The following PTPRR variants were observed in gnomAD, a reference collection of about 807,000 sequenced individuals.
PTPRR encodes the protein protein tyrosine phosphatase receptor type R, also known as receptor-type tyrosine-protein phosphatase R.
In PTPRR, 38 loss-of-function variants were observed where a neutral mutation model predicts 77.2. The ratio of observed to expected loss-of-function variants is 0.49; its 90% CI spans 0.38 to 0.65. The LOEUF is 0.65. Among genes scored for constraint, PTPRR ranks in the 30% least tolerant of loss-of-function variants. The pLI is 0.00. For missense variants in PTPRR, 744 were observed against 799.2 expected (o/e 0.93, Z 0.83); for synonymous variants, 299 against 283.1 (o/e 1.06, Z -0.57).
chr12:70,864,965 C>A (rs1439761207), intron 2 of PTPRR, among the ~76,000 whole-genome samples: 2 of 151,510 alleles, frequency 1.3e-5, no homozygotes, highest in Non-Finnish European at 2.9e-5. Context: ...GCGTGCGTCA[C>A]CACACCTGGC....
intron 2 of PTPRR, among the ~76,000 whole-genome samples, chr12:70,868,990 C>T (rs1301387727): frequency 7.6e-6 from 1 of 130,828 alleles, no homozygotes; most frequent in East Asian, 2.3e-4. Context: ...GCAATGAGAA[C>T]ACATGGACAC....
chr12:70,874,460 C>T (rs1280786855), intron 2 of PTPRR, among the ~76,000 whole-genome samples: 1 of 152,094 alleles, frequency 6.6e-6, no homozygotes, highest in African/African-American at 2.4e-5. Flanking sequence ...TTTTTGGTAA[C>T]TTCTTTGAGA....
chr12:70,711,405 G>C (rs1485863202), intron 6 of PTPRR, among the ~76,000 whole-genome samples: 1 of 152,112 alleles, frequency 6.6e-6, no homozygotes, highest in Non-Finnish European at 1.5e-5. Context: ...TAGAGAGTGG[G>C]AGGAGGAAGA....
At chr12:70,901,173 G>A (rs559237457) in intron 1 of PTPRR, among the ~76,000 whole-genome samples, 1 of 151,538 alleles carries the variant, frequency 6.6e-6, no homozygotes, top group Admixed American at 6.6e-5. Context: ...AACCTGTACA[G>A]TCATTATGGG....
chr12:70,769,700 A>C (rs1890921108), intron 2 of PTPRR, among the ~76,000 whole-genome samples: 1 of 151,884 alleles, frequency 6.6e-6, no homozygotes, highest in Admixed American at 6.6e-5. Flanking sequence ...CCGCATCACC[A>C]AGTCAATCCT....
At chr12:70,672,385 A>G (rs1887264772) in intron 10 of PTPRR, 1 of 1,268,784 alleles carries the variant, frequency 7.9e-7, no homozygotes, top group Admixed American at 1.7e-5. Flanking sequence ...GCCAGGAGGT[A>G]GACTGGGAAG....
At chr12:70,867,783 A>G (rs1425919771) in intron 2 of PTPRR, among the ~76,000 whole-genome samples, 1 of 152,190 alleles carries the variant, frequency 6.6e-6, no homozygotes, top group African/African-American at 2.4e-5. Flanking sequence ...CTGACTTCAA[A>G]CTATACTACA....
intron 8 of PTPRR, among the ~76,000 whole-genome samples, chr12:70,685,473 CAAAAAAAAA>C (rs61205959): frequency 1.6e-5 from 1 of 60,978 alleles, no homozygotes; most frequent in Non-Finnish European, 2.9e-5. Flanking sequence ...GACTTCATCT[CAAAAAAAAA>C]AAAAAAAAAA....
intron 10 of PTPRR, among the ~76,000 whole-genome samples, chr12:70,670,856 A>G (rs542960313): frequency 6.6e-6 from 1 of 152,340 alleles, no homozygotes; most frequent in South Asian, 2.1e-4. Flanking sequence ...AAGGAACTCA[A>G]ACTTACCAGC....
At chr12:70,716,806 C>T (rs1257388273) in intron 6 of PTPRR, among the ~76,000 whole-genome samples, 9 of 152,140 alleles carry the variant, frequency 5.9e-5, no homozygotes, top group Admixed American at 3.9e-4. Context: ...TATAATTGTG[C>T]CACTGCACTC....
chr12:70,782,387 C>A (rs1347682488), intron 2 of PTPRR, among the ~76,000 whole-genome samples: 1 of 152,082 alleles, frequency 6.6e-6, no homozygotes, highest in African/African-American at 2.4e-5. Flanking sequence ...GACACATGCA[C>A]ACGTATGTTT....
chr12:70,752,126 T>G (rs775565889), intron 5 of PTPRR, among the ~76,000 whole-genome samples: 1 of 152,182 alleles, frequency 6.6e-6, no homozygotes, highest in Non-Finnish European at 1.5e-5. Context: ...TTAATTATTT[T>G]CTATGTCTCC....
chr12:70,662,653 G>T, intron 10 of PTPRR, 48 bp from the exon 11 acceptor site: 1 of 1,096,746 alleles, frequency 9.1e-7, no homozygotes, highest in Non-Finnish European at 1.4e-6. Flanking sequence ...GCTTTTATTA[G>T]CCATGGAGTA....
intron 5 of PTPRR, among the ~76,000 whole-genome samples, chr12:70,752,518 T>C (rs750039496): frequency 6.6e-6 from 1 of 152,144 alleles, no homozygotes; most frequent in Non-Finnish European, 1.5e-5. Context: ...CGCCCTGAGT[T>C]AGAAATGCAG....
chr12:70,808,804 GC>G (rs1307873429), intron 2 of PTPRR, among the ~76,000 whole-genome samples: 1 of 152,002 alleles, frequency 6.6e-6, no homozygotes, highest in Non-Finnish European at 1.5e-5. Flanking sequence ...TACCCCTATT[GC>G]CTTTCCATTG....
In PTPRR at chr12:70,804,320, C is replaced by T. The variant is rs115075792; in HGVS notation, c.358-39542G>A. 5.9e-3 allele frequency among the ~76,000 whole-genome samples: 903 copies of T among 152,166 alleles called. 9 individuals carry two copies. Among genetic ancestry groups the T allele is most frequent in the African/African-American group, 0.021 (875 of 41,496 alleles). ...CCTGTGATCCCAGCACTTTGGGAGGCCAATATGAGTAGATTGCTTGAGCTC... is the reference window on the plus strand; with the variant it reads ...CCTGTGATCCCAGCACTTTGGGAGGTCAATATGAGTAGATTGCTTGAGCTC... On this transcript the variant is annotated intron_variant, in intron 2 of 13. Coordinates refer to ENST00000283228, the MANE Select transcript of PTPRR (RefSeq NM_002849.4).
chr12:70,873,979 C>T (rs568601995), intron 2 of PTPRR, among the ~76,000 whole-genome samples: 2 of 152,228 alleles, frequency 1.3e-5, no homozygotes, highest in Non-Finnish European at 2.9e-5. Flanking sequence ...AAAAGTTTTC[C>T]TGCTATGTGC....
intron 1 of PTPRR, among the ~76,000 whole-genome samples, chr12:70,918,005 A>C (rs1042011843): frequency 6.6e-6 from 1 of 152,220 alleles, no homozygotes; most frequent in Non-Finnish European, 1.5e-5. Context: ...CTGTTCTGAG[A>C]GAAAAGTCTT....
chr12:70,779,742 A>G (rs1891163887), intron 2 of PTPRR, among the ~76,000 whole-genome samples: 1 of 152,156 alleles, frequency 6.6e-6, no homozygotes, highest in Non-Finnish European at 1.5e-5. Flanking sequence ...CATGATAACC[A>G]ACACTGTAGT....
Sources: allele counts gnomAD v4.1 joint callset (sites outside exome capture counted in the v4.1 genomes callset), GRCh38; gene constraint gnomAD v4.1.1; transcripts MANE v1.5; gene names NCBI Gene and HGNC (gene_info 2026-07-23, HGNC 2026-07-21).